ELOA: variants seen among roughly 807,000 people sequenced by gnomAD.
ELOA encodes the protein elongin A.
ELOA carries 15 observed loss-of-function variants against 85.2 expected under a neutral mutation model. That is an observed-to-expected ratio of 0.18 (90% CI 0.12 to 0.27). The LOEUF (loss-of-function observed/expected upper bound fraction) is 0.27, where lower values mean the gene tolerates loss of function less well. Ranked by LOEUF, ELOA falls within the 10% of genes least tolerant of loss-of-function variation. The pLI is 1.00. For missense variants in ELOA, 769 were observed against 952.7 expected (o/e 0.81, Z 2.54); for synonymous variants, 348 against 357.2 (o/e 0.97, Z 0.29).
At chr1:23,757,705 T>C (rs991446523) in intron 10 of ELOA, among the ~76,000 whole-genome samples, 7 of 151,876 alleles carry the variant, frequency 4.6e-5, no homozygotes, top group Non-Finnish European at 1.0e-4. Flanking sequence ...TTCACCATGT[T>C]AGCCAGGATG....
chr1:23,753,225 T>C (rs1271639595), intron 5 of ELOA, among the ~76,000 whole-genome samples: 2 of 152,236 alleles, frequency 1.3e-5, no homozygotes, highest in Non-Finnish European at 2.9e-5. Context: ...TGAAGTTTGA[T>C]GGCTTGGGTT....
At chr1:23,757,971 G>A (rs1432138994) in intron 10 of ELOA, among the ~76,000 whole-genome samples, 1 of 151,944 alleles carries the variant, frequency 6.6e-6, no homozygotes, top group Admixed American at 6.6e-5. Flanking sequence ...AACCTGGCAG[G>A]CAGAGGTTGC....
Position 23,759,733 on chromosome 1 carries a change from G to C in ELOA, c.*160G>C, listed in dbSNP as rs922621910. 1.4e-6 allele frequency: 1 copy of C among 710,640 alleles called. No individual in the cohort carries two copies. Among genetic ancestry groups the C allele is most frequent in the Non-Finnish European group, 2.4e-6 (1 of 420,086 alleles). 44.0% of individuals were successfully genotyped at this position (710,640 alleles called of 1,614,324 possible). A position where few individuals can be genotyped will look rare whatever the true frequency, so the allele number is the denominator to read the frequency against. On this transcript the variant is annotated 3_prime_UTR_variant, in exon 11 of 11. Coordinates refer to ENST00000613537, the MANE Select transcript of ELOA (RefSeq NM_003198.3). ...AGGTGCTGCCCCTGGGAACCTGCGT[G>C]CCACAGCCCCGCCTCCCTGCCTGGA...
intron 3 of ELOA, among the ~76,000 whole-genome samples, chr1:23,750,250 A>G (rs890585654): frequency 7.6e-6 from 1 of 131,346 alleles, no homozygotes; most frequent in Non-Finnish European, 1.5e-5. Context: ...ATCTCGGCTC[A>G]CTGCAAGCTC....
rs946668587 is a variant in ELOA, at chr1:23,761,746, T to C, written c.*2173T>C. 2.6e-5 allele frequency: 4 copies of C among 152,164 alleles called. No homozygotes were observed. The highest frequency in any genetic ancestry group is 9.7e-5 in the African/African-American group (4 of 41,446). 9.4% of individuals were successfully genotyped at this position (152,164 alleles called of 1,614,324 possible). A position where few individuals can be genotyped will look rare whatever the true frequency, so the allele number is the denominator to read the frequency against. ...AATTTGAACCTGACACAGGATGAATTTGAACCTTTGGTCTCATTTATGGAA... is the reference window on the plus strand; with the variant it reads ...AATTTGAACCTGACACAGGATGAATCTGAACCTTTGGTCTCATTTATGGAA... On this transcript the variant is annotated 3_prime_UTR_variant, in exon 11 of 11. Coordinates refer to ENST00000613537, the MANE Select transcript of ELOA (RefSeq NM_003198.3).
chr1:23,759,700 C>A lies in ELOA; in HGVS notation c.*127C>A. 1 of 1,098,856 alleles carries A rather than the reference C, an allele frequency of 9.1e-7. No individual in the cohort carries two copies. The highest frequency in any genetic ancestry group is 1.4e-6 in the Non-Finnish European group (1 of 740,686). 68.1% of individuals were successfully genotyped at this position (1,098,856 alleles called of 1,614,324 possible). On this transcript the variant is annotated 3_prime_UTR_variant, in exon 11 of 11. Coordinates refer to ENST00000613537, the MANE Select transcript of ELOA (RefSeq NM_003198.3). ...GGATCCTTTTGGTCTCCGAGTCCTG[C>A]AGTCTGCAGGTGCTGCCCCTGGGAA...
chr1:23,754,070 A>G, intron 5 of ELOA, 30 bp from the exon 6 acceptor site: 1 of 1,611,554 alleles, frequency 6.2e-7, no homozygotes, highest in South Asian at 1.1e-5. Context: ...TGGATCACTT[A>G]GGGCCTTTTG....
intron 5 of ELOA, among the ~76,000 whole-genome samples, chr1:23,753,725 A>G (rs1186917959): frequency 6.6e-6 from 1 of 152,124 alleles, no homozygotes; most frequent in Non-Finnish European, 1.5e-5. Context: ...AATAAGATAC[A>G]TTTGCTTTTT....
intron 1 of ELOA, among the ~76,000 whole-genome samples, chr1:23,746,539 G>A (rs1272647575): frequency 6.8e-6 from 1 of 146,880 alleles, no homozygotes; most frequent in African/African-American, 2.5e-5. Flanking sequence ...CCCAGGAGGC[G>A]GAGGTTGCAG....
intron 5 of ELOA, among the ~76,000 whole-genome samples, chr1:23,753,607 ATG>A (rs1557454679): frequency 6.6e-6 from 1 of 152,214 alleles, no homozygotes; most frequent in African/African-American, 2.4e-5. Context: ...TAAAAAAAAA[ATG>A]TGGAAAGTCT....
At chr1:23,744,224 G>A (rs935866963) in intron 1 of ELOA, 1 of 152,270 alleles carries the variant, frequency 6.6e-6, no homozygotes, top group African/African-American at 2.4e-5. Flanking sequence ...GCGGGGGCCC[G>A]GGGTTGGAAG....
In ELOA at chr1:23,761,831, C is replaced by T. The variant is rs1206323552; in HGVS notation, c.*2258C>T. ...ATACAAATCACCAAATTACAAATTA[C>T]CCTTTTGTGATCCTTGGTGTACTGA... On this transcript the variant is annotated 3_prime_UTR_variant, in exon 11 of 11. Coordinates refer to ENST00000613537, the MANE Select transcript of ELOA (RefSeq NM_003198.3). 1 of 152,066 alleles carries T rather than the reference C, an allele frequency of 6.6e-6. No homozygotes were observed. The allele number at this position is 152,066 out of a possible 1,614,324, so 9.4% of individuals were successfully genotyped here. A position where few individuals can be genotyped will look rare whatever the true frequency, so the allele number is the denominator to read the frequency against.
chr1:23,750,170 C>CCTTTTTTTTTTTTT (rs1553125603), intron 3 of ELOA, among the ~76,000 whole-genome samples: 1 of 90,536 alleles, frequency 1.1e-5, no homozygotes, highest in Non-Finnish European at 2.1e-5. Context: ...TGGTACGTTT[C>CCTTTTTTTTTTTTT]TTTTTTTTTT....
At chr1:23,756,114 G>T in intron 8 of ELOA, 91 bp downstream of exon 8, 1 of 1,500,924 alleles carries the variant, frequency 6.7e-7, no homozygotes, top group Non-Finnish European at 9.0e-7. Flanking sequence ...GTGTAGGACT[G>T]CTTGCCCCTA....
intron 7 of ELOA, 99 bp from the exon 8 acceptor site, chr1:23,755,744 C>T (rs550906847): frequency 1.6e-6 from 2 of 1,237,758 alleles, no homozygotes; most frequent in South Asian, 1.6e-5. Context: ...TGCACCACTG[C>T]ACTGCAGTCT....
At chr1:23,754,313 C>T in intron 6 of ELOA, 50 bp from the exon 7 acceptor site, 2 of 1,614,056 alleles carry the variant, frequency 1.2e-6, no homozygotes, top group Non-Finnish European at 1.7e-6. Flanking sequence ...GACCTTATCA[C>T]TGGGTGGCTT....
At chr1:23,757,581 C>T (rs1263143050) in intron 10 of ELOA, among the ~76,000 whole-genome samples, 1 of 152,202 alleles carries the variant, frequency 6.6e-6, no homozygotes. Flanking sequence ...TCACTGCAAG[C>T]TCTGCCTTCC....
At chr1:23,754,807 A>G (rs892376499) in intron 7 of ELOA, among the ~76,000 whole-genome samples, 2 of 152,198 alleles carry the variant, frequency 1.3e-5, no homozygotes, top group African/African-American at 2.4e-5. Flanking sequence ...ACACTCTGAC[A>G]TCTGGTGATT....
chr1:23,749,046 C>G lies in ELOA; in HGVS notation c.101C>G (p.Ser34Cys). The G allele has an allele frequency of 6.2e-7, 1 of 1,613,326 alleles. No individual in the cohort carries two copies. Among genetic ancestry groups the G allele is most frequent in the African/African-American group, 1.3e-5 (1 of 75,000 alleles). Residue 34 changes from serine to cysteine, a missense_variant, in exon 2 of 11, where the codon TCC becomes TGC. Transcript: ENST00000613537. ...CTATTGAAATATTTGAAGAAACTCT[C>G]CACCCTGCCTATTACAGTAGACATT... is the stretch of plus-strand genomic sequence containing the variant. ...KKLLKYLKKLSTLPITVDILA... is the reference protein window; with the variant it reads ...KKLLKYLKKLCTLPITVDILA...
Sources: gnomAD v4.1 joint callset for allele counts (sites outside exome capture counted in the v4.1 genomes callset) on GRCh38, gnomAD v4.1.1 for gene constraint, MANE v1.5 for transcripts, NCBI Gene and HGNC (gene_info 2026-07-23, HGNC 2026-07-21) for gene names.